DOCK8: variants seen among roughly 807,000 people sequenced by gnomAD.
DOCK8 encodes dedicator of cytokinesis protein 8.
DOCK8 carries 141 observed loss-of-function variants against 245.6 expected under a neutral mutation model. The ratio of observed to expected loss-of-function variants is 0.57; its 90% CI spans 0.50 to 0.66. DOCK8 has a LOEUF of 0.66. Ranked by LOEUF, DOCK8 falls within the 30% of genes least tolerant of loss-of-function variation. The pLI, the probability that DOCK8 is intolerant of heterozygous loss-of-function variation, is 0.00. For missense variants in DOCK8, 2,965 were observed against 2,603.4 expected (o/e 1.14, Z -3.02); for synonymous variants, 1,168 against 970.2 (o/e 1.20, Z -3.79).
At chr9:459,980 C>G (rs2057753827) in intron 46 of DOCK8, 1 of 152,236 alleles carries the variant, frequency 6.6e-6, no homozygotes, top group South Asian at 2.1e-4. Context: ...GAACCATCCA[C>G]CTCTTGATGG....
chr9:419,741 C>T (rs376652764), intron 30 of DOCK8, among the ~76,000 whole-genome samples: 3 of 152,150 alleles, frequency 2.0e-5, no homozygotes, highest in South Asian at 2.1e-4. Context: ...ACAGAGAGTG[C>T]GCTCAGCACT....
chr9:228,890 T>G (rs910518924), intron 1 of DOCK8, among the ~76,000 whole-genome samples: 4 of 152,314 alleles, frequency 2.6e-5, no homozygotes, highest in Admixed American at 2.0e-4. Context: ...ATGGGCTCAC[T>G]CACAAGTCCA....
rs1335049651 is a variant in DOCK8 at position 377,098 on chromosome 9, G to A, written c.2327G>A (p.Ser776Asn). ...GCGCTGGAGCATGAGCTGAAGCTCA[G>A]CATCATCTGCCTGAACTCCTCCCGC... ...EMALEHELKL[S>N]IICLNSSRLE... is the part of the protein sequence containing the mutation. The change falls in exon 20 of 48, where the codon AGC (serine) becomes AAC (asparagine). Residue 776 changes from serine to asparagine, a missense_variant. Physicochemically the swap from Ser to Asn is conservative, Grantham distance 46 (BLOSUM62 1). Transcript: ENST00000432829. 6.2e-7 allele frequency: 1 copy of A among 1,612,214 alleles called. No homozygotes were observed.
intron 4 of DOCK8, among the ~76,000 whole-genome samples, chr9:303,318 A>G (rs550713810): frequency 1.3e-5 from 2 of 152,362 alleles, no homozygotes; most frequent in Non-Finnish European, 2.9e-5. Context: ...TTGTTCTACA[A>G]AAACGACACA....
At chr9:332,002 TC>T (rs1259726477) in intron 9 of DOCK8, among the ~76,000 whole-genome samples, 1 of 152,264 alleles carries the variant, frequency 6.6e-6, no homozygotes, top group Non-Finnish European at 1.5e-5. Context: ...GTTTTCCACT[TC>T]CTACGTATGT....
intron 1 of DOCK8, among the ~76,000 whole-genome samples, chr9:228,104 G>A (rs888956006): frequency 5.3e-5 from 8 of 152,120 alleles, no homozygotes; most frequent in African/African-American, 1.9e-4. Context: ...GCTGGTGGAG[G>A]CCACTCCTTT....
intron 23 of DOCK8, among the ~76,000 whole-genome samples, chr9:388,505 C>T (rs148364121): frequency 4.0e-4 from 60 of 151,794 alleles, no homozygotes; most frequent in African/African-American, 1.4e-3. Context: ...TTTTAATGTA[C>T]GCAAGAATTA....
At chr9:431,486 C>G (rs2056710578) in intron 36 of DOCK8, among the ~76,000 whole-genome samples, 1 of 152,074 alleles carries the variant, frequency 6.6e-6, no homozygotes, top group Admixed American at 6.5e-5. Flanking sequence ...TTCAAAATCT[C>G]AGAAATGCTG....
rs545887934 is a variant in DOCK8, at chr9:217,005, G to T, written c.53+1976G>T. Among the ~76,000 whole-genome samples the T allele has an allele frequency of 1.8e-4, 27 of 152,270 alleles. No homozygotes were observed. The South Asian group carries it at 5.6e-3, about 32-fold the overall frequency. On this transcript the variant is annotated intron_variant, in intron 1 of 47. Transcript: ENST00000432829. ...TTGGTTTCTTTATGTGCCAAGTAGA[G>T]TTGATCATAGTACCTACTTCTTATG...
At chr9:438,910 C>T (rs937847510) in intron 39 of DOCK8, among the ~76,000 whole-genome samples, 1 of 152,210 alleles carries the variant, frequency 6.6e-6, no homozygotes, top group African/African-American at 2.4e-5. Flanking sequence ...TTAATTGGGT[C>T]TTTGCCTTTT....
At chr9:285,283 T>A (rs191660848) in intron 2 of DOCK8, among the ~76,000 whole-genome samples, 1 of 152,222 alleles carries the variant, frequency 6.6e-6, no homozygotes, top group East Asian at 1.9e-4. Context: ...GCGCTTTGTC[T>A]CTCCTCTCCA....
intron 1 of DOCK8, among the ~76,000 whole-genome samples, chr9:230,040 G>A (rs1006516384): frequency 6.0e-5 from 9 of 150,770 alleles, no homozygotes; most frequent in African/African-American, 2.2e-4. Flanking sequence ...ATCTCCTAAT[G>A]CTATCCCTCA....
chr9:306,853 C>G (rs2049855572), intron 5 of DOCK8, among the ~76,000 whole-genome samples: 1 of 152,082 alleles, frequency 6.6e-6, no homozygotes, highest in Non-Finnish European at 1.5e-5. Context: ...AGAAGAGGAG[C>G]CTGAGAGCAA....
chr9:371,962 A>G (rs1286519960), intron 17 of DOCK8, among the ~76,000 whole-genome samples: 1 of 152,202 alleles, frequency 6.6e-6, no homozygotes, highest in Non-Finnish European at 1.5e-5. Flanking sequence ...ACAGAGAAAA[A>G]TGCTACTGCT....
chr9:362,380 C>G (rs984945783), intron 14 of DOCK8, among the ~76,000 whole-genome samples: 5 of 152,202 alleles, frequency 3.3e-5, no homozygotes, highest in African/African-American at 1.2e-4. Context: ...CTCAAATGAT[C>G]AGTAATGATT....
chr9:275,950 A>T (rs2048330603), intron 2 of DOCK8, among the ~76,000 whole-genome samples: 1 of 149,784 alleles, frequency 6.7e-6, no homozygotes, highest in Non-Finnish European at 1.5e-5. Flanking sequence ...GAGTGCAGTG[A>T]TGTGATTTCT....
In DOCK8 at chr9:392,035, G is replaced by A. The variant is rs546415328; in HGVS notation, c.2970+1469G>A. On this transcript the variant is annotated intron_variant, in intron 24 of 47. Transcript: ENST00000432829. ...TGCCTGTAATCCCATCTACTCAGGA[G>A]GCTGAGGCAGGAGAATTGCTTGAAC... 4.6e-5 allele frequency among the ~76,000 whole-genome samples: 7 copies of A among 151,690 alleles called. No homozygotes were observed. In the East Asian group the frequency reaches 1.4e-3, roughly 29 times the overall value.
intron 24 of DOCK8, among the ~76,000 whole-genome samples, chr9:392,137 T>TA (rs79584385): frequency 0.041 from 5,077 of 124,660 alleles, 105 homozygotes; most frequent in Admixed American, 0.054. Flanking sequence ...AAACTCCATC[T>TA]AAAAAAAAAA....
intron 30 of DOCK8, among the ~76,000 whole-genome samples, chr9:419,954 C>G (rs1391937171): frequency 1.3e-5 from 2 of 152,254 alleles, no homozygotes; most frequent in African/African-American, 2.4e-5. Context: ...GAACAGCAAG[C>G]TTATTCATGG....
Sources: gnomAD v4.1 joint callset for allele counts (sites outside exome capture counted in the v4.1 genomes callset) on GRCh38, gnomAD v4.1.1 for gene constraint, MANE v1.5 for transcripts, NCBI Gene and HGNC (gene_info 2026-07-23, HGNC 2026-07-21) for gene names.